Variants in FANK1 observed in about 807,000 individuals in gnomAD.
The protein encoded by FANK1 is fibronectin type 3 and ankyrin repeat domains protein 1.
A neutral mutation model predicts 45.3 loss-of-function variants in FANK1; 44 were observed. The ratio of observed to expected loss-of-function variants is 0.97; its 90% confidence interval spans 0.76 to 1.25. The LOEUF (loss-of-function observed/expected upper bound fraction) is 1.25, where lower values mean the gene tolerates loss of function less well. Among genes scored for constraint, FANK1 ranks in the 50% most tolerant of loss-of-function variants. The pLI is 0.00. For synonymous variants in FANK1, 149 were observed against 152.5 expected, an observed-to-expected ratio of 0.98 and a Z score of 0.17; for missense variants, 391 against 424.4, an observed-to-expected ratio of 0.92 and a Z score of 0.69.
chr10:126,003,415 G>C (rs969386491), intron 6 of FANK1, among the ~76,000 whole-genome samples: 2 of 152,068 alleles, frequency 1.3e-5, no homozygotes, highest in African/African-American at 2.4e-5. Context: ...AAAAATTAAA[G>C]GCTTAATTAG....
intron 1 of FANK1, among the ~76,000 whole-genome samples, chr10:125,976,694 C>T (rs1950875746): frequency 6.6e-6 from 1 of 152,096 alleles, no homozygotes; most frequent in African/African-American, 2.4e-5. Context: ...ACAATCTCCG[C>T]TCACTGCAGT....
chr10:125,896,924 G>A (rs1430511135), intron 1 of FANK1, among the ~76,000 whole-genome samples: 2 of 152,162 alleles, frequency 1.3e-5, no homozygotes, highest in Non-Finnish European at 2.9e-5. Context: ...GGTGGGGAAG[G>A]GCGCAGCGAC....
chr10:125,941,186 A>G (rs991041336), intron 1 of FANK1, among the ~76,000 whole-genome samples: 2 of 152,258 alleles, frequency 1.3e-5, no homozygotes, highest in Non-Finnish European at 2.9e-5. Flanking sequence ...TATATTTGCA[A>G]CATATCTAAC....
At chr10:125,951,889 T>C (rs959694939) in intron 1 of FANK1, among the ~76,000 whole-genome samples, 1 of 152,228 alleles carries the variant, frequency 6.6e-6, no homozygotes, top group African/African-American at 2.4e-5. Flanking sequence ...CTGTGTTCAG[T>C]TGAGCCCTGT....
intron 1 of FANK1, among the ~76,000 whole-genome samples, chr10:125,974,300 T>A (rs1378720033): frequency 6.6e-6 from 1 of 152,214 alleles, no homozygotes; most frequent in Admixed American, 6.5e-5. Flanking sequence ...CCTGTCTTCG[T>A]CAGTGGGTCT....
chr10:125,936,012 G>A (rs1350298751), intron 1 of FANK1, among the ~76,000 whole-genome samples: 1 of 152,098 alleles, frequency 6.6e-6, no homozygotes, highest in Non-Finnish European at 1.5e-5. Flanking sequence ...CATGTTTGAT[G>A]GTAGATTTTC....
chr10:125,952,609 C>T (rs1277861199), intron 1 of FANK1, among the ~76,000 whole-genome samples: 5 of 152,006 alleles, frequency 3.3e-5, no homozygotes. Context: ...TTTGCATTTT[C>T]CAGCAGCTCA....
At chr10:125,955,160 A>G (rs896891473) in intron 1 of FANK1, among the ~76,000 whole-genome samples, 1 of 150,292 alleles carries the variant, frequency 6.7e-6, no homozygotes, top group Non-Finnish European at 1.5e-5. Context: ...ATGTGTAGGT[A>G]TGTTACATAG....
At chr10:126,008,283 C>A in intron 7 of FANK1, 124 bp from the exon 8 acceptor site, 1 of 1,335,674 alleles carries the variant, frequency 7.5e-7, no homozygotes, top group Non-Finnish European at 1.0e-6. Context: ...GTGCAATGAA[C>A]CAAATATAGA....
intron 1 of FANK1, among the ~76,000 whole-genome samples, chr10:125,917,902 G>A (rs1358999745): frequency 1.4e-5 from 2 of 138,824 alleles, no homozygotes; most frequent in African/African-American, 5.6e-5. Flanking sequence ...AGACAACATA[G>A]TGAGACCTCA....
intron 1 of FANK1, among the ~76,000 whole-genome samples, chr10:125,918,585 A>AAAAT (rs1554913277): frequency 5.5e-4 from 39 of 70,954 alleles, no homozygotes; most frequent in East Asian, 2.3e-3. Context: ...AAAAAAAAAA[A>AAAAT]ATATATATAT....
At chr10:125,961,472 A>T (rs192565024) in intron 1 of FANK1, among the ~76,000 whole-genome samples, 216 of 152,298 alleles carry the variant, frequency 1.4e-3, no homozygotes, top group African/African-American at 5.0e-3. Context: ...TCTCTTCAAT[A>T]AGTGATGCTG....
chr10:125,951,468 A>C (rs1949224831), intron 1 of FANK1, among the ~76,000 whole-genome samples: 2 of 152,188 alleles, frequency 1.3e-5, no homozygotes, highest in African/African-American at 2.4e-5. Flanking sequence ...GCAAGGATGA[A>C]AGTTCAAGGT....
intron 1 of FANK1, among the ~76,000 whole-genome samples, chr10:125,953,750 T>C (rs1949399291): frequency 1.3e-5 from 2 of 152,162 alleles, no homozygotes; most frequent in African/African-American, 2.4e-5. Flanking sequence ...GATGCTGAAG[T>C]CAGACAGAGT....
At chr10:125,900,678 G>A (rs545198891) in intron 1 of FANK1, among the ~76,000 whole-genome samples, 2 of 152,006 alleles carry the variant, frequency 1.3e-5, no homozygotes, top group African/African-American at 2.4e-5. Flanking sequence ...TTGAGACGGA[G>A]TCTCACTCTG....
chr10:125,935,814 A>G (rs1948060090), intron 1 of FANK1, among the ~76,000 whole-genome samples: 1 of 152,218 alleles, frequency 6.6e-6, no homozygotes, highest in Non-Finnish European at 1.5e-5. Flanking sequence ...TGGCTGGAAT[A>G]GAAAGATAAT....
At chr10:126,002,763 C>CTTTTTTTTTTT (rs375158618) in intron 6 of FANK1, among the ~76,000 whole-genome samples, 1 of 113,228 alleles carries the variant, frequency 8.8e-6, no homozygotes, top group Non-Finnish European at 1.8e-5. Flanking sequence ...TTTGCCTCTC[C>CTTTTTTTTTTT]TTTTTTTTTT....
intron 7 of FANK1, among the ~76,000 whole-genome samples, chr10:126,007,570 T>C (rs1185570383): frequency 6.6e-6 from 1 of 152,238 alleles, no homozygotes; most frequent in Non-Finnish European, 1.5e-5. Context: ...TTGTTTGTTT[T>C]TCCATTCTGA....
At chr10:125,973,520 T>G (rs1950648400) in intron 1 of FANK1, 1 of 925,314 alleles carries the variant, frequency 1.1e-6, no homozygotes, top group Non-Finnish European at 1.3e-6. Context: ...CAGTAGTTCC[T>G]TCTTCCACAT....
Sources: allele counts gnomAD v4.1 joint callset (sites outside exome capture counted in the v4.1 genomes callset), GRCh38; gene constraint gnomAD v4.1.1; transcripts MANE v1.5; gene names NCBI Gene and HGNC (gene_info 2026-07-23, HGNC 2026-07-21).